Variants in TRIP11 observed in about 807,000 individuals in gnomAD.
TRIP11 encodes the protein thyroid hormone receptor interactor 11, also known as thyroid receptor-interacting protein 11.
In TRIP11, 148 loss-of-function variants were observed where a neutral mutation model predicts 223.1. The observed-to-expected ratio is 0.66, with a 90% CI of 0.58 to 0.76. TRIP11 has a LOEUF of 0.76. Among genes scored for constraint, TRIP11 ranks in the 30% least tolerant of loss-of-function variants. The pLI is 0.00. For synonymous variants in TRIP11, 762 were observed against 772.6 expected (o/e 0.99, Z 0.23); for missense variants, 2,043 against 2,222.0 (o/e 0.92, Z 1.62).
Position 92,025,398 on chromosome 14 carries a change from C to T in TRIP11, c.224G>A (p.Cys75Tyr), listed in dbSNP as rs928735327. 1 of 1,612,462 alleles carries T rather than the reference C, an allele frequency of 6.2e-7. No individual in the cohort carries two copies. ...TTCATGTTTCTCTTCTAGATCAGTA[C>T]AAAGTTTCTTAAGCCTTTCATTCTA... The part of the protein sequence containing the change: ...RSENERLKKL[C>Y]TDLEEKHEAS... The change falls in exon 3 of 21, where the codon TGT becomes TAT. Residue 75 changes from cysteine (C) to tyrosine (Y), a missense_variant. Cys to Tyr is a radical substitution (Grantham distance 194). Transcript: ENST00000267622.
At chr14:92,038,481 T>C (rs906779663) in intron 1 of TRIP11, among the ~76,000 whole-genome samples, 9 of 152,240 alleles carry the variant, frequency 5.9e-5, no homozygotes, top group Admixed American at 3.9e-4. Context: ...CGTAAAGCGG[T>C]AAAATGGATT....
At chr14:91,975,706 T>A (rs921933800) in intron 17 of TRIP11, among the ~76,000 whole-genome samples, 1 of 152,042 alleles carries the variant, frequency 6.6e-6, no homozygotes, top group Non-Finnish European at 1.5e-5. Context: ...AATATATACA[T>A]TTAAAAAATA....
chr14:91,967,194 T>C lies in TRIP11; in HGVS notation c.*2479A>G, dbSNP rs112673109. ...TCTCGCTCTGTCGCTCAGGCTGGAG[T>C]GCAGTGGAGTGGTTGCTAACTGCAA... On this transcript the variant is annotated 3_prime_UTR_variant, in exon 21 of 21. Transcript: ENST00000267622. The C allele has an allele frequency of 0.021, 3,441 of 162,332 alleles. 141 individuals are homozygous for C. Among genetic ancestry groups the C allele is most frequent in the African/African-American group, 0.086 (3,222 of 37,484 alleles). The allele number at this position is 162,332 out of a possible 1,614,324, so 10.1% of individuals were successfully genotyped here.
chr14:92,023,142 C>T (rs1566871096), intron 3 of TRIP11, among the ~76,000 whole-genome samples: 1 of 152,214 alleles, frequency 6.6e-6, no homozygotes, highest in East Asian at 1.9e-4. Flanking sequence ...TTAATGTGCC[C>T]TCTAATATCG....
At chr14:91,970,638 A>T (rs932449236) in intron 20 of TRIP11, among the ~76,000 whole-genome samples, 7 of 152,212 alleles carry the variant, frequency 4.6e-5, no homozygotes. Context: ...TCCCACAAGC[A>T]AGGTCTATGA....
Position 92,010,951 on chromosome 14 carries a change from C to G in TRIP11, c.1314+35G>C, listed in dbSNP as rs201321209. ...CTTGGCTGTGACCTGTTACACATAC[C>G]ATTTTAATTCTGCCCCCATTTTTAC... On this transcript the variant is annotated intron_variant, in intron 9 of 20. Transcript: ENST00000267622. The G allele has an allele frequency of 3.4e-4, 535 of 1,592,880 alleles. 1 individual carries two copies. Among genetic ancestry groups the G allele is most frequent in the Non-Finnish European group, 4.2e-4 (493 of 1,161,002 alleles).
At chr14:92,002,049 G>T (rs1355444650) in intron 11 of TRIP11, among the ~76,000 whole-genome samples, 2 of 152,156 alleles carry the variant, frequency 1.3e-5, no homozygotes, top group African/African-American at 4.8e-5. Context: ...CTCAAGAAGT[G>T]CTAGTTGAAT....
chr14:92,006,647 T>C (rs1201379317), intron 10 of TRIP11, among the ~76,000 whole-genome samples, 199 bp from the exon 11 acceptor site: 1 of 152,274 alleles, frequency 6.6e-6, no homozygotes, highest in East Asian at 1.9e-4. Flanking sequence ...TTGTCTTTTT[T>C]GTTTTTTGAG....
At chr14:92,006,583 T>C in intron 10 of TRIP11, 135 bp from the exon 11 acceptor site, 1 of 975,274 alleles carries the variant, frequency 1.0e-6, no homozygotes, top group South Asian at 1.6e-5. Context: ...ATTGTTTTTC[T>C]ATCAAAAACA....
chr14:91,971,028 T>C (rs1002451932), intron 20 of TRIP11, among the ~76,000 whole-genome samples: 2 of 152,222 alleles, frequency 1.3e-5, no homozygotes, highest in Non-Finnish European at 2.9e-5. Flanking sequence ...CAGTCAAAGG[T>C]TTGAAAACAA....
chr14:91,990,870 C>A (rs1386846883), intron 15 of TRIP11, among the ~76,000 whole-genome samples: 1 of 152,214 alleles, frequency 6.6e-6, no homozygotes, highest in Non-Finnish European at 1.5e-5. Flanking sequence ...ACTGTATACT[C>A]TGGATCCACT....
chr14:92,015,310 T>C (rs1210398658), intron 6 of TRIP11, among the ~76,000 whole-genome samples: 1 of 152,180 alleles, frequency 6.6e-6, no homozygotes, highest in Non-Finnish European at 1.5e-5. Flanking sequence ...ACTGTCCTGG[T>C]CTTAGAATGC....
At chr14:91,970,446 G>GA (rs1409328609) in intron 20 of TRIP11, among the ~76,000 whole-genome samples, 1 of 150,650 alleles carries the variant, frequency 6.6e-6, no homozygotes, top group Non-Finnish European at 1.5e-5. Context: ...AAAAAAAAAT[G>GA]AAAGCACAAA....
rs886050906 is a variant in TRIP11 at position 92,004,192 on chromosome 14, T to C, written c.3784A>G (p.Lys1262Glu). The change falls in exon 11 of 21, where the codon AAA (lysine) becomes GAA (glutamate). Residue 1262 changes from lysine (K) to glutamate (E), a missense_variant. Lys to Glu is a moderately conservative substitution (Grantham distance 56). Coordinates refer to ENST00000267622, the MANE Select transcript of TRIP11 (RefSeq NM_004239.4). ...AGGCCAGTATAGTCCACTTGTAATT[T>C]AGAATTATTATCACTGTCAACCAAA... ...QVLVDSDNNS[K>E]LQVDYTGLIQ... 6.2e-7 allele frequency: 1 copy of C among 1,614,202 alleles called. No individual in the cohort carries two copies. The highest frequency in any genetic ancestry group is 1.1e-5 in the South Asian group (1 of 91,080).
rs10135585 is a variant in TRIP11, at chr14:91,966,300, C to T, written c.*3373G>A. 0.28 allele frequency: 50,804 copies of T among 178,536 alleles called. 7,418 individuals are homozygous for T. Among genetic ancestry groups the T allele is most frequent in the Middle Eastern group, 0.35 (157 of 448 alleles). 11.1% of individuals were successfully genotyped at this position (178,536 alleles called of 1,614,324 possible). ...CACAAATGTCAGAACATTAAAGTAG[C>T]ATTTTTTCCATAGGAATATATAAAA... On this transcript the variant is annotated 3_prime_UTR_variant, in exon 21 of 21. Coordinates refer to ENST00000267622, the MANE Select transcript of TRIP11 (RefSeq NM_004239.4).
At chr14:92,039,071 G>A (rs1402246298) in intron 1 of TRIP11, among the ~76,000 whole-genome samples, 2 of 152,104 alleles carry the variant, frequency 1.3e-5, no homozygotes, top group African/African-American at 2.4e-5. Context: ...GAAAAACATG[G>A]CCGTGTTTCA....
At chr14:92,011,846 T>C (rs759119824) in intron 7 of TRIP11, 51 bp from the exon 8 acceptor site, 6 of 1,548,196 alleles carry the variant, frequency 3.9e-6, no homozygotes, top group African/African-American at 2.7e-5. Flanking sequence ...GAGTAACTTA[T>C]TATCTTCAAT....
Position 91,976,104 on chromosome 14 carries a change from A to G in TRIP11, c.5342+4T>C. On this transcript the variant is annotated splice_donor_region_variant and intron_variant, in intron 17 of 20. Transcript: ENST00000267622. ...TATACAAACATTAAAAGCAAAAAGC[A>G]TACTTGTCTACTTTTCCTTCTGAGC... The G allele has an allele frequency of 6.2e-7, 1 of 1,611,400 alleles. No homozygotes were observed. The highest frequency in any genetic ancestry group is 8.5e-7 in the Non-Finnish European group (1 of 1,179,356).
intron 1 of TRIP11, 114 bp from the exon 2 acceptor site, chr14:92,033,367 G>C: frequency 1.2e-6 from 1 of 801,052 alleles, no homozygotes; most frequent in African/African-American, 1.8e-5. Context: ...AGGCTGATAT[G>C]AAAGCATTCA....
Sources: gnomAD v4.1 joint callset for allele counts (sites outside exome capture counted in the v4.1 genomes callset) on GRCh38, gnomAD v4.1.1 for gene constraint, MANE v1.5 for transcripts, NCBI Gene and HGNC (gene_info 2026-07-23, HGNC 2026-07-21) for gene names.